The following PCDHGA1 variants were observed in gnomAD, a reference collection of about 807,000 sequenced individuals.
PCDHGA1 encodes the protein protocadherin gamma-A1.
PCDHGA1 carries 32 observed loss-of-function variants against 58.0 expected under a neutral mutation model. The observed-to-expected ratio is 0.55, with a 90% CI of 0.42 to 0.74. The LOEUF (loss-of-function observed/expected upper bound fraction) is 0.74, where lower values mean the gene tolerates loss of function less well. PCDHGA1 is among the 30% of genes least tolerant of loss of function. The probability of loss-of-function intolerance (pLI) is 0.00; values close to 1 mark genes in which losing one functional copy is unlikely to be tolerated. For missense variants in PCDHGA1, 1,205 were observed against 1,182.3 expected (o/e 1.02, Z -0.28); for synonymous variants, 498 against 501.1 (o/e 0.99, Z 0.08).
intron 1 of PCDHGA1, among the ~76,000 whole-genome samples, chr5:141,335,462 C>A (rs1296200375): frequency 1.3e-5 from 2 of 152,030 alleles, no homozygotes; most frequent in African/African-American, 2.4e-5. Flanking sequence ...GTAAAAAGAG[C>A]AGATGATCAA....
chr5:141,370,443 C>T, intron 1 of PCDHGA1: 1 of 1,607,126 alleles, frequency 6.2e-7, no homozygotes, highest in South Asian at 1.1e-5. Flanking sequence ...GAGGCGAATG[C>T]TATTTCTCTT....
chr5:141,340,263 C>G (rs1268832390), intron 1 of PCDHGA1: 2 of 1,614,210 alleles, frequency 1.2e-6, no homozygotes, highest in Admixed American at 3.3e-5. Context: ...GGGAACCCCT[C>G]CCTGTCCACG....
intron 1 of PCDHGA1, among the ~76,000 whole-genome samples, chr5:141,438,633 TATACACAC>T (rs1401551511): frequency 0.055 from 1,851 of 33,458 alleles, 10 homozygotes; most frequent in African/African-American, 0.082. Flanking sequence ...TATATATATA[TATACACAC>T]ACACACACAC....
intron 1 of PCDHGA1, chr5:141,339,146 C>A (rs746677262): frequency 6.2e-7 from 1 of 1,614,218 alleles, no homozygotes; most frequent in Non-Finnish European, 8.5e-7. Context: ...GCCCCTGGCA[C>A]TGGCAGAGCA....
rs765214655 is a variant in PCDHGA1 at position 141,332,619 on chromosome 5, C to G, written c.1935C>G (p.Ala645=). The G allele has an allele frequency of 7.4e-6, 12 of 1,612,728 alleles. No individual in the cohort carries two copies. The South Asian group carries it at 8.8e-5, about 12-fold the overall frequency. ...RDALKQSLVV[A]VQDHGQPPLS... is the part of the protein sequence containing the mutation. ...CGCTCAAGCAGAGTCTCGTGGTGGC[C>G]GTCCAGGACCACGGCCAGCCCCCGC... Residue 645 remains alanine (A), a synonymous_variant, in exon 1 of 4, where the codon GCC becomes GCG. Transcript: ENST00000517417. This position sits in a 1 kb window ranked among gnomAD's most constrained non-coding sequence, Gnocchi z 4.6.
intron 1 of PCDHGA1, chr5:141,408,288 T>C (rs755091342): frequency 6.2e-7 from 1 of 1,613,234 alleles, no homozygotes; most frequent in Non-Finnish European, 8.5e-7. Context: ...TACCCCACCC[T>C]GAGTGAGCCG....
intron 1 of PCDHGA1, chr5:141,389,907 G>T (rs779604388): frequency 6.2e-7 from 1 of 1,614,082 alleles, no homozygotes; most frequent in Non-Finnish European, 8.5e-7. Context: ...GGATATCACT[G>T]ACCGCCCCGA....
At chr5:141,360,789 A>T (rs780273649) in intron 1 of PCDHGA1, 15 of 1,613,940 alleles carry the variant, frequency 9.3e-6, no homozygotes, top group Non-Finnish European at 1.2e-5. Context: ...TGGATGGCGG[A>T]GACCCACCTC....
intron 3 of PCDHGA1, 87 bp from the exon 4 acceptor site, chr5:141,510,854 TGTATAG>T: frequency 6.2e-7 from 1 of 1,602,320 alleles, no homozygotes; most frequent in Non-Finnish European, 8.5e-7. Flanking sequence ...CCCAGGGTGC[TGTATAG>T]GCATTCATTA....
intron 1 of PCDHGA1, chr5:141,418,297 C>T (rs760176371): frequency 2.5e-6 from 4 of 1,614,026 alleles, no homozygotes; most frequent in African/African-American, 2.7e-5. Flanking sequence ...GTGAATCCGT[C>T]AGCCTGGGGA....
chr5:141,478,517 T>G (rs1593923092), intron 1 of PCDHGA1: 1 of 1,611,116 alleles, frequency 6.2e-7, no homozygotes, highest in Non-Finnish European at 8.5e-7. Context: ...TAGGCAGGTG[T>G]TGGGTGCAGA....
chr5:141,339,779 G>A, intron 1 of PCDHGA1: 1 of 1,614,218 alleles, frequency 6.2e-7, no homozygotes, highest in South Asian at 1.1e-5. Context: ...CACTGACGCA[G>A]ATGAGGGCTA....
chr5:141,431,408 G>A lies in PCDHGA1; in HGVS notation c.2422-63399G>A. ...CCACCTGGTCCTTACGGCCTCCGAC[G>A]GGGGCGACCCGGTGCGCACAGGCAC... On this transcript the variant is annotated intron_variant, in intron 1 of 3. Transcript: ENST00000517417. The surrounding 1 kb of genome is among the most constrained non-coding windows in gnomAD (Gnocchi z 4.8). 6.2e-7 allele frequency: 1 copy of A among 1,613,718 alleles called. No individual in the cohort carries two copies. The highest frequency in any genetic ancestry group is 2.2e-5 in the East Asian group (1 of 44,882).
At chr5:141,492,933 A>G (rs935580560) in intron 1 of PCDHGA1, among the ~76,000 whole-genome samples, 3 of 152,194 alleles carry the variant, frequency 2.0e-5, no homozygotes, top group Admixed American at 6.5e-5. Flanking sequence ...CTAGGGTCAG[A>G]GATTTGGAGG....
chr5:141,509,132 G>A (rs1261849657), intron 3 of PCDHGA1, among the ~76,000 whole-genome samples: 1 of 152,150 alleles, frequency 6.6e-6, no homozygotes, highest in Admixed American at 6.5e-5. Flanking sequence ...GAGAAAAACC[G>A]AGGCGCATCC....
At chr5:141,382,872 G>T in intron 1 of PCDHGA1, 1 of 1,522,356 alleles carries the variant, frequency 6.6e-7, no homozygotes, top group Non-Finnish European at 8.8e-7. Flanking sequence ...CCCGAGATCG[G>T]CGCCTAAGCA....
intron 1 of PCDHGA1, chr5:141,355,150 G>C (rs754814778): frequency 1.9e-6 from 3 of 1,547,684 alleles, no homozygotes; most frequent in African/African-American, 2.7e-5. Context: ...GGCTCCTCAG[G>C]CCTCGACAGA....
At chr5:141,510,155 C>G (rs1044168112) in intron 3 of PCDHGA1, among the ~76,000 whole-genome samples, 2 of 151,942 alleles carry the variant, frequency 1.3e-5, no homozygotes, top group African/African-American at 4.8e-5. Context: ...CACCTGTAAT[C>G]TCAGCTACTC....
chr5:141,371,887 C>A (rs372336757), intron 1 of PCDHGA1: 2 of 1,613,424 alleles, frequency 1.2e-6, no homozygotes, highest in Non-Finnish European at 1.7e-6. Flanking sequence ...GACCTGGAGC[C>A]GCGGGAGCTG....
Sources: allele counts gnomAD v4.1 joint callset (sites outside exome capture counted in the v4.1 genomes callset), GRCh38; gene constraint gnomAD v4.1.1; non-coding constraint Gnocchi (gnomAD v3.1); transcripts MANE v1.5; gene names NCBI Gene and HGNC (gene_info 2026-07-23, HGNC 2026-07-21).